Variants in KCNC1 observed in about 807,000 individuals in gnomAD.
The protein encoded by KCNC1 is potassium voltage-gated channel subfamily C member 1, also known as voltage-gated potassium channel KCNC1.
Under a neutral mutation model 43.4 loss-of-function variants are expected in KCNC1, and 8 were observed. The observed-to-expected ratio is 0.18, with a 90% CI of 0.11 to 0.33. KCNC1 has a LOEUF of 0.33. Among genes scored for constraint, KCNC1 ranks in the 10% least tolerant of loss-of-function variants. KCNC1 has a pLI of 1.00. For synonymous variants in KCNC1, 361 were observed against 360.5 expected, an observed-to-expected ratio of 1.00 and a Z score of -0.01; for missense variants, 420 against 836.0, an observed-to-expected ratio of 0.50 and a Z score of 6.14.
Position 17,779,011 on chromosome 11 carries a change from T to G in KCNC1, c.1505-445T>G, listed in dbSNP as rs1284618550. On this transcript the variant is annotated intron_variant, in intron 2 of 3. Coordinates refer to ENST00000265969, the MANE Select transcript of KCNC1 (RefSeq NM_001112741.2). The surrounding 1 kb of genome is among the most constrained non-coding windows in gnomAD (Gnocchi z 7.2). Reference sequence around the variant, plus strand: ...TGGACGGGAGGCAGCCGGGCTCTGGTCAGCAGCAGAGGGGTCCGGAAAGGC... The same window carrying G: ...TGGACGGGAGGCAGCCGGGCTCTGGGCAGCAGCAGAGGGGTCCGGAAAGGC... Among the ~76,000 whole-genome samples, 3 of 151,860 alleles carry G rather than the reference T, an allele frequency of 2.0e-5. No homozygotes were observed. Among genetic ancestry groups the G allele is most frequent in the Admixed American group, 2.0e-4 (3 of 15,264 alleles).
chr11:17,762,188 C>G (rs1849085273), intron 1 of KCNC1, among the ~76,000 whole-genome samples: 1 of 152,182 alleles, frequency 6.6e-6, no homozygotes, highest in African/African-American at 2.4e-5. Flanking sequence ...CAGCCTCACT[C>G]ACACTGCATG....
At chr11:17,741,227 C>T (rs548700047) in intron 1 of KCNC1, among the ~76,000 whole-genome samples, 4 of 132,380 alleles carry the variant, frequency 3.0e-5, no homozygotes, top group Admixed American at 7.8e-5. Flanking sequence ...CCCCCACCCC[C>T]CTCCCAGTAA....
chr11:17,779,319 T>G lies in KCNC1; in HGVS notation c.1505-137T>G, dbSNP rs1174918544. On this transcript the variant is annotated intron_variant, in intron 2 of 3. Transcript: ENST00000265969. This position sits in a 1 kb window ranked among gnomAD's most constrained non-coding sequence, Gnocchi z 7.2. ...GCCCCCTGCCTTGTGCCCTCCTCGCTCCACAGCCTGCCCGCTTTTCCGTCC... is the reference window on the plus strand; with the variant it reads ...GCCCCCTGCCTTGTGCCCTCCTCGCGCCACAGCCTGCCCGCTTTTCCGTCC... 1 of 679,694 alleles carries G rather than the reference T, an allele frequency of 1.5e-6. No homozygotes were observed. The highest frequency in any genetic ancestry group is 1.8e-5 in the African/African-American group (1 of 54,278). 42.1% of individuals were successfully genotyped at this position (679,694 alleles called of 1,614,324 possible). A position where few individuals can be genotyped will look rare whatever the true frequency, so the allele number is the denominator to read the frequency against.
intron 1 of KCNC1, among the ~76,000 whole-genome samples, chr11:17,767,785 T>G (rs2133801911): frequency 6.6e-6 from 1 of 152,274 alleles, no homozygotes; most frequent in African/African-American, 2.4e-5. Context: ...GGCCTCCACC[T>G]CTCCTGACTC....
chr11:17,774,059 G>A (rs1019807710), intron 2 of KCNC1: 2 of 985,350 alleles, frequency 2.0e-6, no homozygotes, highest in Admixed American at 6.1e-5. Context: ...ATGCTGGCCC[G>A]AGCACTACCC....
rs1849326609 is a variant in KCNC1, at chr11:17,779,759, G to C, written c.1693+115G>C. 1 of 829,098 alleles carries C rather than the reference G, an allele frequency of 1.2e-6. No homozygotes were observed. Among genetic ancestry groups the C allele is most frequent in the Non-Finnish European group, 1.7e-6 (1 of 572,962 alleles). The allele number at this position is 829,098 out of a possible 1,614,324, so 51.4% of individuals were successfully genotyped here. ...AGGGGCAGGCAGGCACACCGAGGGGGGCAAGGATGGAGGGAATCTCCCAGG... is the reference window on the plus strand; with the variant it reads ...AGGGGCAGGCAGGCACACCGAGGGGCGCAAGGATGGAGGGAATCTCCCAGG... On this transcript the variant is annotated intron_variant, in intron 3 of 3. Coordinates refer to ENST00000265969, the MANE Select transcript of KCNC1 (RefSeq NM_001112741.2). The surrounding 1 kb of genome is among the most constrained non-coding windows in gnomAD (Gnocchi z 7.2).
intron 1 of KCNC1, among the ~76,000 whole-genome samples, chr11:17,758,215 G>A (rs1001831394): frequency 6.6e-6 from 1 of 152,192 alleles, no homozygotes; most frequent in African/African-American, 2.4e-5. Context: ...TTATCCATAA[G>A]AAGCAACTCC....
chr11:17,751,778 C>T (rs964366391), intron 1 of KCNC1, among the ~76,000 whole-genome samples: 32 of 152,250 alleles, frequency 2.1e-4, no homozygotes, highest in African/African-American at 6.3e-4. Flanking sequence ...TGCCTCTGGC[C>T]AAAGCCTGAA....
intron 2 of KCNC1, chr11:17,774,249 C>T (rs1849261631): frequency 3.0e-6 from 3 of 985,512 alleles, no homozygotes; most frequent in Non-Finnish European, 3.6e-6. Flanking sequence ...GAGCTACCAA[C>T]AGGGCTCTGG....
Position 17,779,378 on chromosome 11 carries a change from C to T in KCNC1, c.1505-78C>T. 12 of 1,237,854 alleles carry T rather than the reference C, an allele frequency of 9.7e-6. No homozygotes were observed. The highest frequency in any genetic ancestry group is 1.3e-5 in the Non-Finnish European group (12 of 925,148). The allele number at this position is 1,237,854 out of a possible 1,614,324, so 76.7% of individuals were successfully genotyped here. ...GCTCAAGCTGCCCTCTGCCAATACC[C>T]CGCTTCTGGCCTGTCCCCCCCTGCC... On this transcript the variant is annotated intron_variant, in intron 2 of 3. Transcript: ENST00000265969. This position sits in a 1 kb window ranked among gnomAD's most constrained non-coding sequence, Gnocchi z 7.2.
chr11:17,771,571 C>A lies in KCNC1; in HGVS notation c.571-94C>A. 2.8e-6 allele frequency: 3 copies of A among 1,086,160 alleles called. No homozygotes were observed. The highest frequency in any genetic ancestry group is 1.6e-5 in the African/African-American group (1 of 63,622). The allele number at this position is 1,086,160 out of a possible 1,614,324, so 67.3% of individuals were successfully genotyped here. A position where few individuals can be genotyped will look rare whatever the true frequency, so the allele number is the denominator to read the frequency against. On this transcript the variant is annotated intron_variant, in intron 1 of 3. Coordinates refer to ENST00000265969, the MANE Select transcript of KCNC1 (RefSeq NM_001112741.2). This position sits in a 1 kb window ranked among gnomAD's most constrained non-coding sequence, Gnocchi z 4.7. ...GCTGCAGGGGGCCTGGTGCTGGCAT[C>A]TCCCCCCGCCTGGCCCTGGGACTGG...
chr11:17,781,796 C>T lies in KCNC1; in HGVS notation c.*62C>T, dbSNP rs1849348967. The T allele has an allele frequency of 3.5e-6, 4 of 1,157,134 alleles. No individual in the cohort carries two copies. The highest frequency in any genetic ancestry group is 1.3e-5 in the South Asian group (1 of 75,892). The allele number at this position is 1,157,134 out of a possible 1,614,324, so 71.7% of individuals were successfully genotyped here. ...GCATCTGGGTGGACCTGCAGCCCCT[C>T]CTCACCCTCGGACAGAGTAAATTCA... On this transcript the variant is annotated 3_prime_UTR_variant, in exon 4 of 4. Coordinates refer to ENST00000265969, the MANE Select transcript of KCNC1 (RefSeq NM_001112741.2). This position sits in a 1 kb window ranked among gnomAD's most constrained non-coding sequence, Gnocchi z 5.1.
intron 2 of KCNC1, chr11:17,774,116 C>T (rs763920623): frequency 1.0e-6 from 1 of 985,584 alleles, no homozygotes; most frequent in African/African-American, 1.7e-5. Context: ...TCCTTTCACC[C>T]TGCCGCATAC....
At chr11:17,764,166 A>G (rs547369965) in intron 1 of KCNC1, among the ~76,000 whole-genome samples, 32 of 145,018 alleles carry the variant, frequency 2.2e-4, no homozygotes, top group Admixed American at 2.0e-3. Context: ...AGCCCTATAT[A>G]CACACACACA....
rs74474650 is a variant in KCNC1, at chr11:17,768,615, G to C, written c.571-3050G>C. On this transcript the variant is annotated intron_variant, in intron 1 of 3. Coordinates refer to ENST00000265969, the MANE Select transcript of KCNC1 (RefSeq NM_001112741.2). ...TACAGTGGAGAATGGATGTTGGTGG[G>C]GGGGGGGGCGGTTTGGGAATGGGAT... Among the ~76,000 whole-genome samples, 16 of 119,890 alleles carry C rather than the reference G, an allele frequency of 1.3e-4. 1 individual carries two copies. The highest frequency in any genetic ancestry group is 3.9e-4 in the East Asian group (2 of 5,084). The allele number at this position is 119,890 out of a possible 152,430, so 78.7% of individuals were successfully genotyped here. A position where few individuals can be genotyped will look rare whatever the true frequency, so the allele number is the denominator to read the frequency against.
At chr11:17,769,621 T>C (rs11024393) in intron 1 of KCNC1, among the ~76,000 whole-genome samples, 119,188 of 151,856 alleles carry the variant, frequency 0.78, 48,299 homozygotes, top group East Asian at 0.98. Context: ...GCAGGAGGCT[T>C]ACCTGAGGCC....
chr11:17,745,539 G>A (rs1848889589), intron 1 of KCNC1, among the ~76,000 whole-genome samples: 1 of 152,130 alleles, frequency 6.6e-6, no homozygotes, highest in African/African-American at 2.4e-5. Flanking sequence ...GGGCCGGCCT[G>A]GCAAAGTGCT....
intron 2 of KCNC1, chr11:17,775,264 G>A (rs1377344963): frequency 1.2e-5 from 12 of 985,390 alleles, no homozygotes; most frequent in African/African-American, 7.0e-5. Flanking sequence ...TGTGTGGCAC[G>A]CTGGGTTCTG....
intron 1 of KCNC1, among the ~76,000 whole-genome samples, chr11:17,750,066 C>A (rs1049683772): frequency 1.3e-5 from 2 of 152,226 alleles, no homozygotes; most frequent in Non-Finnish European, 2.9e-5. Context: ...TCTGATCCTT[C>A]CTCTGCCTCA....
Sources: gnomAD v4.1 joint callset for allele counts (sites outside exome capture counted in the v4.1 genomes callset) on GRCh38, gnomAD v4.1.1 for gene constraint, Gnocchi (gnomAD v3.1) non-coding constraint, MANE v1.5 for transcripts, NCBI Gene and HGNC (gene_info 2026-07-23, HGNC 2026-07-21) for gene names.